The following OPCML variants were observed in gnomAD, a reference collection of about 807,000 sequenced individuals.
OPCML encodes opioid binding protein/cell adhesion molecule like.
In OPCML, 13 loss-of-function variants were observed where a neutral mutation model predicts 37.8. The observed-to-expected ratio is 0.34, with a 90% CI of 0.22 to 0.55. OPCML has a LOEUF of 0.55. Among genes scored for constraint, OPCML ranks in the 20% least tolerant of loss-of-function variants. The pLI, the probability that OPCML is intolerant of heterozygous loss-of-function variation, is 0.91. For missense variants in OPCML, 341 were observed against 435.6 expected (o/e 0.78, Z 1.93); for synonymous variants, 176 against 168.8 (o/e 1.04, Z -0.33).
intron 1 of OPCML, among the ~76,000 whole-genome samples, chr11:133,262,085 C>A (rs1941512761): frequency 6.6e-6 from 1 of 152,108 alleles, no homozygotes; most frequent in African/African-American, 2.4e-5. Flanking sequence ...TTTTAGTTGA[C>A]AAATAAAAAT....
intron 2 of OPCML, among the ~76,000 whole-genome samples, chr11:132,883,409 T>C (rs1477820349): frequency 1.3e-5 from 2 of 152,192 alleles, no homozygotes; most frequent in African/African-American, 4.8e-5. Flanking sequence ...TAATTAGTCC[T>C]GCAGACAAGA....
chr11:132,595,177 G>A (rs1367384237), intron 3 of OPCML, among the ~76,000 whole-genome samples: 2 of 152,040 alleles, frequency 1.3e-5, no homozygotes, highest in East Asian at 1.9e-4. Context: ...CTGAGAAAAA[G>A]GTGGTACATC....
chr11:132,715,050 A>AG (rs552163661), intron 2 of OPCML, among the ~76,000 whole-genome samples: 155 of 152,232 alleles, frequency 1.0e-3, no homozygotes, highest in African/African-American at 3.6e-3. Flanking sequence ...CTCATGGGCA[A>AG]GGGAGGGCAG....
intron 2 of OPCML, among the ~76,000 whole-genome samples, chr11:132,759,469 A>G (rs1946183190): frequency 6.6e-6 from 1 of 152,116 alleles, no homozygotes; most frequent in African/African-American, 2.4e-5. Context: ...TTAGTGTCTC[A>G]ATTTCAGAAC....
At position 133,040,738 on chromosome 11, in the gene OPCML, A is replaced by G. The variant is rs142659183; in HGVS notation, c.62-97728T>C. Among the ~76,000 whole-genome samples, 179 of 152,190 alleles carry G rather than the reference A, an allele frequency of 1.2e-3. 5 individuals carry two copies. The East Asian group carries it at 0.034, about 29-fold the overall frequency. ...CAGTGAGTCATTCAGAGCTGCACGT[A>G]TGTGACTGCGTCTCTCTGTGGGAGC... On this transcript the variant is annotated intron_variant, in intron 1 of 7. Transcript: ENST00000524381.
intron 1 of OPCML, among the ~76,000 whole-genome samples, chr11:133,530,477 C>G (rs534955065): frequency 9.8e-5 from 15 of 152,326 alleles, no homozygotes; most frequent in African/African-American, 2.9e-4. Context: ...GGAGGCCCCC[C>G]GGAGCTGCCA....
intron 2 of OPCML, among the ~76,000 whole-genome samples, chr11:132,901,302 C>T (rs746172440): frequency 6.6e-6 from 1 of 152,126 alleles, no homozygotes; most frequent in Non-Finnish European, 1.5e-5. Context: ...TAAATAAACA[C>T]CAGCTAAATA....
At chr11:133,238,018 C>A (rs752084850) in intron 1 of OPCML, among the ~76,000 whole-genome samples, 1 of 152,174 alleles carries the variant, frequency 6.6e-6, no homozygotes, top group Non-Finnish European at 1.5e-5. Context: ...TGTGACATTG[C>A]GGCTAGTAGC....
intron 2 of OPCML, chr11:132,860,718 A>G (rs1942266471): frequency 6.6e-6 from 1 of 152,190 alleles, no homozygotes; most frequent in Non-Finnish European, 1.5e-5. Flanking sequence ...TTACCAAAAA[A>G]GCTGTTTGAA....
chr11:132,977,825 C>CA (rs1053730448), intron 1 of OPCML, among the ~76,000 whole-genome samples: 9 of 152,044 alleles, frequency 5.9e-5, no homozygotes, highest in African/African-American at 1.7e-4. Context: ...GAGAATAGGA[C>CA]AAAAAATGTG....
intron 2 of OPCML, among the ~76,000 whole-genome samples, chr11:132,868,609 A>G (rs1183290274): frequency 6.6e-6 from 1 of 152,136 alleles, no homozygotes; most frequent in Non-Finnish European, 1.5e-5. Flanking sequence ...CCCGTGGGGA[A>G]GAACACAGTT....
chr11:132,519,509 A>C (rs922733602), intron 4 of OPCML, among the ~76,000 whole-genome samples: 2 of 152,110 alleles, frequency 1.3e-5, no homozygotes, highest in African/African-American at 4.8e-5. Context: ...AAATGGGATT[A>C]GTTTTAATAT....
At chr11:133,457,295 G>T (rs1486534167) in intron 1 of OPCML, among the ~76,000 whole-genome samples, 1 of 152,188 alleles carries the variant, frequency 6.6e-6, no homozygotes, top group Non-Finnish European at 1.5e-5. Context: ...CACTTTGGGA[G>T]CCCAAGGCAG....
At chr11:133,022,168 A>AT (rs758040019) in intron 1 of OPCML, among the ~76,000 whole-genome samples, 9 of 152,058 alleles carry the variant, frequency 5.9e-5, no homozygotes, top group Admixed American at 2.0e-4. Context: ...GAGATGACAC[A>AT]TTTTTCTGGA....
At chr11:132,523,292 T>A (rs1429072766) in intron 4 of OPCML, among the ~76,000 whole-genome samples, 1 of 152,234 alleles carries the variant, frequency 6.6e-6, no homozygotes. Context: ...GGTGGTGATT[T>A]TGCTAGTATT....
At position 132,699,422 on chromosome 11, in the gene OPCML, T is replaced by A. The variant is rs560307247; in HGVS notation, c.147-42103A>T. Among the ~76,000 whole-genome samples, 5 of 152,280 alleles carry A rather than the reference T, an allele frequency of 3.3e-5. No individual in the cohort carries two copies. In the South Asian group the frequency reaches 1.0e-3, roughly 32 times the overall value. ...GAGATAGATGGACATCTTTGTCTTG[T>A]TCCTCTTCTTAGAAGATAAGCTTTC... On this transcript the variant is annotated intron_variant, in intron 2 of 7. Transcript: ENST00000524381.
chr11:132,596,096 G>T (rs1033810550), intron 3 of OPCML, among the ~76,000 whole-genome samples: 1 of 152,168 alleles, frequency 6.6e-6, no homozygotes, highest in Admixed American at 6.5e-5. Context: ...CCCAGAGATT[G>T]GATTTTCACA....
chr11:132,528,060 T>C (rs532205333), intron 4 of OPCML, among the ~76,000 whole-genome samples: 2 of 152,300 alleles, frequency 1.3e-5, no homozygotes, highest in Admixed American at 6.5e-5. Flanking sequence ...ATCTCAGACA[T>C]CTAGCCTCCA....
chr11:132,677,395 C>A (rs1319876600), intron 2 of OPCML, among the ~76,000 whole-genome samples: 1 of 151,956 alleles, frequency 6.6e-6, no homozygotes, highest in South Asian at 2.1e-4. Flanking sequence ...TTGTGGATAT[C>A]GAGACACTGA....
Sources: allele counts gnomAD v4.1 joint callset (sites outside exome capture counted in the v4.1 genomes callset), GRCh38; gene constraint gnomAD v4.1.1; transcripts MANE v1.5; gene names NCBI Gene and HGNC (gene_info 2026-07-23, HGNC 2026-07-21).